KLF15: variants seen among roughly 807,000 people sequenced by gnomAD.
KLF15 encodes Krueppel-like factor 15.
KLF15 carries 4 observed loss-of-function variants against 24.6 expected under a neutral mutation model. The ratio of observed to expected loss-of-function variants is 0.16; its 90% CI spans 0.08 to 0.37. KLF15 has a LOEUF of 0.37. Among genes scored for constraint, KLF15 ranks in the 10% least tolerant of loss-of-function variants. The probability of loss-of-function intolerance (pLI) is 1.00; values close to 1 mark genes in which losing one functional copy is unlikely to be tolerated. For missense variants in KLF15, 496 were observed against 560.6 expected, an observed-to-expected ratio of 0.88 and a Z score of 1.16; for synonymous variants, 246 against 236.3, an observed-to-expected ratio of 1.04 and a Z score of -0.37.
chr3:126,327,845 G>T, the KLF15 span, among the ~76,000 whole-genome samples: 4 of 152,306 alleles, frequency 2.6e-5, no homozygotes, highest in East Asian at 1.9e-4. Context: ...ACAAATGTTT[G>T]CTGTCATAAT....
intron 2 of KLF15, among the ~76,000 whole-genome samples, chr3:126,345,960 C>G (rs1256663618): frequency 6.6e-6 from 1 of 152,222 alleles, no homozygotes. Context: ...AGGGCCTGGT[C>G]CAGGTCACTG....
chr3:126,326,716 C>T, the KLF15 span, among the ~76,000 whole-genome samples: 1 of 152,128 alleles, frequency 6.6e-6, no homozygotes, highest in Non-Finnish European at 1.5e-5. Flanking sequence ...GGAGTGCTGG[C>T]AGAGGTGGCT....
chr3:126,335,999 C>T, the KLF15 span, among the ~76,000 whole-genome samples: 1 of 144,898 alleles, frequency 6.9e-6, no homozygotes, highest in Non-Finnish European at 1.5e-5. Flanking sequence ...GCCATACTGC[C>T]CAAGGTAATT....
chr3:126,355,782 G>A (rs923652734), intron 1 of KLF15, among the ~76,000 whole-genome samples: 1 of 152,224 alleles, frequency 6.6e-6, no homozygotes, highest in Non-Finnish European at 1.5e-5. Context: ...GGGTGGCCCA[G>A]GTCAGCCAAC....
rs2082632975 is a variant in KLF15 at position 126,356,438 on chromosome 3, C to G, written c.-26+799G>C. Among the ~76,000 whole-genome samples the G allele has an allele frequency of 6.6e-6, 1 of 152,136 alleles. No homozygotes were observed. Among genetic ancestry groups the G allele is most frequent in the Non-Finnish European group, 1.5e-5 (1 of 68,016 alleles). The stretch of plus-strand genomic sequence containing the variant: ...CCAAGGCGGGGAGGGAAGAGTGAAC[C>G]GGACCACCATATGGGATGGGGACGG... On this transcript the variant is annotated intron_variant, in intron 1 of 2. Coordinates refer to ENST00000296233, the MANE Select transcript of KLF15 (RefSeq NM_014079.4). This position sits in a 1 kb window ranked among gnomAD's most constrained non-coding sequence, Gnocchi z 4.4.
the KLF15 span, among the ~76,000 whole-genome samples, chr3:126,323,202 A>G: frequency 6.6e-6 from 1 of 150,494 alleles, no homozygotes; most frequent in African/African-American, 2.4e-5. Flanking sequence ...AGCATTTCAC[A>G]CAATTGGCTT....
chr3:126,345,829 G>A (rs12493572), intron 2 of KLF15, among the ~76,000 whole-genome samples: 2,338 of 152,304 alleles, frequency 0.015, 84 homozygotes, highest in Admixed American at 0.091. Context: ...CAGGAACTCC[G>A]ACTCACATCA....
At chr3:126,292,479 G>A in the KLF15 span, among the ~76,000 whole-genome samples, 2 of 152,230 alleles carry the variant, frequency 1.3e-5, no homozygotes, top group Non-Finnish European at 2.9e-5. Context: ...AACTTAAGGA[G>A]TGTCTATTGA....
chr3:126,300,642 G>C, the KLF15 span, among the ~76,000 whole-genome samples: 1 of 152,234 alleles, frequency 6.6e-6, no homozygotes, highest in Admixed American at 6.5e-5. Flanking sequence ...CCCAGGTTCT[G>C]AGCTCTGTGC....
chr3:126,290,549 T>C, the KLF15 span: 2 of 152,058 alleles, frequency 1.3e-5, no homozygotes, highest in African/African-American at 4.8e-5. Context: ...CCTTCCTTCC[T>C]CTGTCTCACA....
the KLF15 span, among the ~76,000 whole-genome samples, chr3:126,311,778 C>T: frequency 2.6e-5 from 4 of 152,228 alleles, no homozygotes; most frequent in Non-Finnish European, 5.9e-5. Context: ...GAGCCGTCCT[C>T]TGCCCAGTGT....
the KLF15 span, among the ~76,000 whole-genome samples, chr3:126,332,107 C>T: frequency 1.8e-4 from 28 of 152,372 alleles, no homozygotes; most frequent in African/African-American, 5.0e-4. Context: ...TAGGCGCCAC[C>T]GCTGGGGGCA....
chr3:126,347,460 C>T (rs1381627178), intron 2 of KLF15, among the ~76,000 whole-genome samples: 2 of 152,242 alleles, frequency 1.3e-5, no homozygotes, highest in Admixed American at 6.5e-5. Context: ...GAGCCTGGAA[C>T]TCCCCTTCTC....
At chr3:126,353,740 C>A (rs1262709366) in intron 1 of KLF15, among the ~76,000 whole-genome samples, 2 of 152,342 alleles carry the variant, frequency 1.3e-5, no homozygotes, top group East Asian at 3.9e-4. Flanking sequence ...GCCTTGACTG[C>A]CCTGTGAGTG....
chr3:126,310,774 AC>A, the KLF15 span, among the ~76,000 whole-genome samples: 1 of 151,930 alleles, frequency 6.6e-6, no homozygotes, highest in Non-Finnish European at 1.5e-5. Flanking sequence ...TACCCTAATC[AC>A]CTCTGCAAGA....
At chr3:126,300,034 G>T in the KLF15 span, among the ~76,000 whole-genome samples, 18 of 152,150 alleles carry the variant, frequency 1.2e-4, no homozygotes, top group African/African-American at 4.3e-4. Flanking sequence ...CCGGTAGCAT[G>T]GGCCTCAGAA....
chr3:126,338,525 T>G (rs2082456021), downstream of KLF15, among the ~76,000 whole-genome samples: 1 of 152,180 alleles, frequency 6.6e-6, no homozygotes, highest in South Asian at 2.1e-4. Context: ...TGCAAAGACT[T>G]CTGTGGGAAG....
At chr3:126,315,202 A>G in the KLF15 span, among the ~76,000 whole-genome samples, 3 of 152,146 alleles carry the variant, frequency 2.0e-5, no homozygotes, top group Non-Finnish European at 2.9e-5. Context: ...GTCATATTGC[A>G]TTAGAGAGAC....
the KLF15 span, among the ~76,000 whole-genome samples, chr3:126,312,564 G>A: frequency 7.9e-5 from 12 of 152,144 alleles, no homozygotes; most frequent in South Asian, 2.1e-4. Flanking sequence ...TAGGGGGCCC[G>A]CCTGGCACCC....
Sources: gnomAD v4.1 joint callset for allele counts (sites outside exome capture counted in the v4.1 genomes callset) on GRCh38, gnomAD v4.1.1 for gene constraint, Gnocchi (gnomAD v3.1) non-coding constraint, MANE v1.5 for transcripts, NCBI Gene and HGNC (gene_info 2026-07-23, HGNC 2026-07-21) for gene names.